LRRC8C: variants seen among roughly 807,000 people sequenced by gnomAD.
LRRC8C encodes the protein leucine rich repeat containing 8 VRAC subunit C, also known as volume-regulated anion channel subunit LRRC8C.
LRRC8C carries 20 observed loss-of-function variants against 55.3 expected under a neutral mutation model. The observed-to-expected ratio is 0.36, with a 90% CI of 0.25 to 0.53. The LOEUF (loss-of-function observed/expected upper bound fraction) is 0.53. LRRC8C is among the 20% of genes least tolerant of loss of function. The probability of loss-of-function intolerance (pLI) is 0.92; values close to 1 mark genes in which losing one functional copy is unlikely to be tolerated. For synonymous variants in LRRC8C, 376 were observed against 360.7 expected, an observed-to-expected ratio of 1.04 and a Z score of -0.48; for missense variants, 659 against 951.4, an observed-to-expected ratio of 0.69 and a Z score of 4.04.
chr1:89,628,635 G>A (rs1168981259), upstream of LRRC8C, among the ~76,000 whole-genome samples: 3 of 152,188 alleles, frequency 2.0e-5, no homozygotes, highest in African/African-American at 4.8e-5. Context: ...TCCAGCAAGG[G>A]GAATGGGGAA....
the LRRC8C span, among the ~76,000 whole-genome samples, chr1:89,620,040 T>G: frequency 6.6e-6 from 1 of 152,238 alleles, no homozygotes; most frequent in African/African-American, 2.4e-5. Flanking sequence ...AAACATTTAT[T>G]GCCTTAGTTT....
intron 1 of LRRC8C, among the ~76,000 whole-genome samples, chr1:89,672,190 A>T (rs1318919523): frequency 6.6e-6 from 1 of 152,194 alleles, no homozygotes; most frequent in Non-Finnish European, 1.5e-5. Flanking sequence ...CTCCAATTTT[A>T]CCTAGCTAAC....
chr1:89,656,980 C>A (rs1656962688), intron 1 of LRRC8C, among the ~76,000 whole-genome samples: 1 of 152,162 alleles, frequency 6.6e-6, no homozygotes, highest in Non-Finnish European at 1.5e-5. Flanking sequence ...AAATAACCTG[C>A]CCAAAGTCAC....
In LRRC8C at chr1:89,715,881, C is replaced by T. The variant is rs979057708; in HGVS notation, c.*899C>T. On this transcript the variant is annotated 3_prime_UTR_variant, in exon 3 of 3. Transcript: ENST00000370454. ...GATGGAAAAAAATTTACTAAAGCAC[C>T]CTGTTAAAGAGCTGGTGTGCTCCAG... is the stretch of plus-strand genomic sequence containing the variant. The T allele has an allele frequency of 5.9e-5, 9 of 152,022 alleles. No individual in the cohort carries two copies. Among genetic ancestry groups the T allele is most frequent in the African/African-American group, 1.9e-4 (8 of 41,456 alleles). The allele number at this position is 152,022 out of a possible 1,614,324, so 9.4% of individuals were successfully genotyped here. A position where few individuals can be genotyped will look rare whatever the true frequency, so the allele number is the denominator to read the frequency against.
At chr1:89,695,544 A>T (rs1452228323) in intron 2 of LRRC8C, among the ~76,000 whole-genome samples, 1 of 152,176 alleles carries the variant, frequency 6.6e-6, no homozygotes, top group African/African-American at 2.4e-5. Context: ...TGTTGTAGTG[A>T]TATTCACTTG....
chr1:89,665,603 T>C (rs576212569), intron 1 of LRRC8C, among the ~76,000 whole-genome samples: 2 of 152,328 alleles, frequency 1.3e-5, no homozygotes, highest in South Asian at 4.1e-4. Flanking sequence ...TTAAGCCAAA[T>C]GTTATTATGA....
chr1:89,618,312 A>C, the LRRC8C span, among the ~76,000 whole-genome samples: 1 of 152,222 alleles, frequency 6.6e-6, no homozygotes, highest in African/African-American at 2.4e-5. Flanking sequence ...AGGGAAAAAG[A>C]CCAATATACT....
chr1:89,666,083 C>G (rs1318382550), intron 1 of LRRC8C, among the ~76,000 whole-genome samples: 3 of 152,140 alleles, frequency 2.0e-5, no homozygotes, highest in Admixed American at 2.0e-4. Context: ...ATGACATCCA[C>G]ACGACAAAAT....
chr1:89,709,054 T>C (rs1420545015), intron 2 of LRRC8C, among the ~76,000 whole-genome samples: 1 of 152,226 alleles, frequency 6.6e-6, no homozygotes, highest in East Asian at 1.9e-4. Context: ...TCAAAAAATA[T>C]CTTCATGAAG....
In LRRC8C at chr1:89,715,923, T is replaced by C. The variant is rs1024765915; in HGVS notation, c.*941T>C. The C allele has an allele frequency of 3.3e-5, 5 of 152,186 alleles. No individual in the cohort carries two copies. The highest frequency in any genetic ancestry group is 1.2e-4 in the African/African-American group (5 of 41,446). 9.4% of individuals were successfully genotyped at this position (152,186 alleles called of 1,614,324 possible). ...GTGCTCCAGTGAGGCCCTCTCCTTT[T>C]CTCAGCACAGTGTGGCAGTGGTAAT... is the stretch of plus-strand genomic sequence containing the variant. On this transcript the variant is annotated 3_prime_UTR_variant, in exon 3 of 3. Coordinates refer to ENST00000370454, the MANE Select transcript of LRRC8C (RefSeq NM_032270.5).
At chr1:89,662,885 C>G (rs1383629254) in intron 1 of LRRC8C, among the ~76,000 whole-genome samples, 3 of 152,058 alleles carry the variant, frequency 2.0e-5, no homozygotes, top group African/African-American at 7.3e-5. Context: ...AGGTTTGTTA[C>G]ATAGGTATAC....
At chr1:89,705,665 C>T (rs983059916) in intron 2 of LRRC8C, among the ~76,000 whole-genome samples, 5 of 151,984 alleles carry the variant, frequency 3.3e-5, no homozygotes, top group Admixed American at 6.6e-5. Context: ...CCCGTGGTCC[C>T]AGCCACTCAG....
intron 1 of LRRC8C, among the ~76,000 whole-genome samples, chr1:89,664,571 A>G (rs1384529910): frequency 1.3e-5 from 2 of 152,190 alleles, no homozygotes; most frequent in African/African-American, 2.4e-5. Flanking sequence ...GAAGTCAGGT[A>G]GTGTGATGCC....
chr1:89,620,579 CAAAAAAA>C, the LRRC8C span, among the ~76,000 whole-genome samples: 1 of 137,028 alleles, frequency 7.3e-6, no homozygotes, highest in Admixed American at 7.3e-5. Flanking sequence ...GATGATTTTT[CAAAAAAA>C]AAAAAAAAAA....
intron 1 of LRRC8C, among the ~76,000 whole-genome samples, chr1:89,673,841 G>T (rs1657483437): frequency 6.6e-6 from 1 of 152,208 alleles, no homozygotes; most frequent in Admixed American, 6.5e-5. Flanking sequence ...TCATCAGGGG[G>T]TATCCTCAAT....
intron 2 of LRRC8C, among the ~76,000 whole-genome samples, chr1:89,702,784 G>T (rs747406237): frequency 1.1e-4 from 16 of 151,760 alleles, no homozygotes; most frequent in South Asian, 1.0e-3. Context: ...CAATAAAGTA[G>T]GTAGATATGA....
chr1:89,702,501 G>A (rs1421587681), intron 2 of LRRC8C, among the ~76,000 whole-genome samples: 4 of 152,252 alleles, frequency 2.6e-5, no homozygotes, highest in African/African-American at 4.8e-5. Context: ...TTGGGAGGCC[G>A]AGGCAGGCGG....
At chr1:89,685,948 ACT>A (rs932393372) in intron 1 of LRRC8C, among the ~76,000 whole-genome samples, 5 of 152,092 alleles carry the variant, frequency 3.3e-5, no homozygotes, top group African/African-American at 7.2e-5. Context: ...ACGTGGAAAC[ACT>A]GTTTTCCTTT....
the LRRC8C span, among the ~76,000 whole-genome samples, chr1:89,620,696 A>T: frequency 2.0e-5 from 3 of 152,200 alleles, no homozygotes; most frequent in African/African-American, 7.2e-5. Context: ...AAATACTTCC[A>T]GTTAAAAAAT....
Sources: gnomAD v4.1 joint callset for allele counts (sites outside exome capture counted in the v4.1 genomes callset) on GRCh38, gnomAD v4.1.1 for gene constraint, MANE v1.5 for transcripts, NCBI Gene and HGNC (gene_info 2026-07-23, HGNC 2026-07-21) for gene names.